HYDIN: variants seen among roughly 807,000 people sequenced by gnomAD.
The protein encoded by HYDIN is axonemal central pair apparatus protein HYDIN.
HYDIN carries 132 observed loss-of-function variants against 403.9 expected under a neutral mutation model. The ratio of observed to expected loss-of-function variants is 0.33; its 90% CI spans 0.28 to 0.38. The LOEUF (loss-of-function observed/expected upper bound fraction) is 0.38. HYDIN is among the 10% of genes least tolerant of loss of function. The probability of loss-of-function intolerance (pLI) is 1.00; values close to 1 mark genes in which losing one functional copy is unlikely to be tolerated. For synonymous variants in HYDIN, 1,202 were observed against 1,891.7 expected, an observed-to-expected ratio of 0.64 and a Z score of 9.46; for missense variants, 2,827 against 5,009.5, an observed-to-expected ratio of 0.56 and a Z score of 13.15.
intron 45 of HYDIN, among the ~76,000 whole-genome samples, chr16:70,932,753 A>C (rs1034632305): frequency 1.3e-5 from 2 of 152,248 alleles, no homozygotes; most frequent in African/African-American, 2.4e-5. Flanking sequence ...TCACCTCATT[A>C]ACAATTCAAG....
intron 10 of HYDIN, among the ~76,000 whole-genome samples, chr16:71,100,170 A>G (rs1216569434): frequency 6.6e-6 from 1 of 152,246 alleles, no homozygotes; most frequent in Non-Finnish European, 1.5e-5. Flanking sequence ...TAAATCAACA[A>G]AACATACTTG....
Position 70,837,871 on chromosome 16 carries a change from G to A in HYDIN, c.13061C>T (p.Thr4354Ile), listed in dbSNP as rs1165765362. The change falls in exon 77 of 86, where the codon ACC becomes ATC. Residue 4354 changes from threonine to isoleucine, a missense_variant. By Grantham distance (89) the Thr-to-Ile change is moderately conservative. Coordinates refer to ENST00000393567, the MANE Select transcript of HYDIN (RefSeq NM_001270974.2). ...ETPMSIDCLY[T>I]NTTHLEVNSR... ...GTTCACCTCGAGGTGAGTGGTGTTGGTGTACAGACAATCTATGCTGCAGAA... is the reference window on the plus strand; with the variant it reads ...GTTCACCTCGAGGTGAGTGGTGTTGATGTACAGACAATCTATGCTGCAGAA... 5 of 1,613,660 alleles carry A rather than the reference G, an allele frequency of 3.1e-6. No individual in the cohort carries two copies. In the African/African-American group the frequency reaches 6.7e-5, roughly 22 times the overall value.
chr16:71,097,289 TTTTG>T (rs2083300890), intron 10 of HYDIN, among the ~76,000 whole-genome samples: 1 of 137,422 alleles, frequency 7.3e-6, no homozygotes, highest in Non-Finnish European at 1.5e-5. Flanking sequence ...TACCACGGAC[TTTTG>T]TTTTCTTCTT....
intron 80 of HYDIN, among the ~76,000 whole-genome samples, chr16:70,830,791 C>A (rs1770441): frequency 6.6e-6 from 1 of 152,122 alleles, no homozygotes; most frequent in Non-Finnish European, 1.5e-5. Flanking sequence ...GGATTGACTG[C>A]GGGAGGAGCA....
intron 39 of HYDIN, 109 bp from the exon 40 acceptor site, chr16:70,955,657 T>C (rs1269073523): frequency 1.6e-5 from 9 of 568,848 alleles, no homozygotes; most frequent in Non-Finnish European, 2.8e-5. Context: ...CTCTGAGTGC[T>C]CTGCCTCCTT....
chr16:70,905,015 C>CGAAGCAAACCA (rs1567803592), intron 50 of HYDIN, among the ~76,000 whole-genome samples: 2 of 151,940 alleles, frequency 1.3e-5, no homozygotes, highest in African/African-American at 4.8e-5. Flanking sequence ...AGTAACTGAG[C>CGAAGCAAACCA]GAAGCAAACC....
chr16:70,836,602 G>T (rs1216535814), intron 77 of HYDIN, among the ~76,000 whole-genome samples: 4 of 152,338 alleles, frequency 2.6e-5, no homozygotes, highest in Middle Eastern at 6.8e-3. Flanking sequence ...GTCAGGCCAA[G>T]GCCAGGCTGA....
At position 70,802,120 on chromosome 16, in the gene HYDIN, T is replaced by C. The variant is rs1041591715; in HGVS notation, c.*5460A>G. On this transcript the variant is annotated 3_prime_UTR_variant, in exon 86 of 86. Coordinates refer to ENST00000393567, the MANE Select transcript of HYDIN (RefSeq NM_001270974.2). ...TTTTCTTTAATGAATGAAAAGTGCATATATAGGCCTTATAACAGTCTTGAA... is the reference window on the plus strand; with the variant it reads ...TTTTCTTTAATGAATGAAAAGTGCACATATAGGCCTTATAACAGTCTTGAA... 2.0e-5 allele frequency: 3 copies of C among 152,166 alleles called. No homozygotes were observed. Among genetic ancestry groups the C allele is most frequent in the African/African-American group, 7.2e-5 (3 of 41,434 alleles). 9.4% of individuals were successfully genotyped at this position (152,166 alleles called of 1,614,324 possible). A position where few individuals can be genotyped will look rare whatever the true frequency, so the allele number is the denominator to read the frequency against.
chr16:70,981,585 C>G lies in HYDIN; in HGVS notation c.4333-17G>C, dbSNP rs1175995638. 3.1e-6 allele frequency: 5 copies of G among 1,605,180 alleles called. No homozygotes were observed. In the African/African-American group the frequency reaches 6.7e-5, roughly 22 times the overall value. On this transcript the variant is annotated splice_polypyrimidine_tract_variant and intron_variant, in intron 28 of 85. Transcript: ENST00000393567. The stretch of plus-strand genomic sequence containing the variant: ...GATAAAGCCCTACGCGGTAGAAAGA[C>G]CAGAAAAGGGAAAACGAATGTGCTA...
At chr16:71,050,349 A>G (rs1359490408) in intron 18 of HYDIN, among the ~76,000 whole-genome samples, 1 of 142,048 alleles carries the variant, frequency 7.0e-6, no homozygotes, top group Non-Finnish European at 1.6e-5. Context: ...ATAGAATCAT[A>G]TGCTCAGCTA....
chr16:70,955,226 T>C (rs1597405534), intron 40 of HYDIN, 149 bp downstream of exon 40: 2 of 448,602 alleles, frequency 4.5e-6, no homozygotes, highest in Non-Finnish European at 7.9e-6. Context: ...AAGAGAATTC[T>C]CCTCTGGGCT....
chr16:70,826,701 C>T, intron 83 of HYDIN, among the ~76,000 whole-genome samples: 1 of 124,576 alleles, frequency 8.0e-6, no homozygotes, highest in East Asian at 2.3e-4. Context: ...TGCGTCTTGC[C>T]AGCATCTCTC....
At chr16:70,922,318 G>A (rs1161591261) in intron 45 of HYDIN, among the ~76,000 whole-genome samples, 1 of 152,240 alleles carries the variant, frequency 6.6e-6, no homozygotes, top group Non-Finnish European at 1.5e-5. Context: ...GCCCAGTGAG[G>A]GAAGGACTTG....
At chr16:71,070,904 C>T (rs2082447512) in intron 13 of HYDIN, among the ~76,000 whole-genome samples, 1 of 147,956 alleles carries the variant, frequency 6.8e-6, no homozygotes, top group Non-Finnish European at 1.5e-5. Flanking sequence ...ATTCATGTAT[C>T]CTTTGTGATA....
chr16:71,003,444 T>C (rs1322695053), intron 23 of HYDIN, among the ~76,000 whole-genome samples: 1 of 152,000 alleles, frequency 6.6e-6, no homozygotes, highest in Non-Finnish European at 1.5e-5. Context: ...TACATTTATT[T>C]CTAAGTACTT....
intron 7 of HYDIN, among the ~76,000 whole-genome samples, chr16:71,150,973 G>T (rs929917482): frequency 6.6e-6 from 1 of 152,150 alleles, no homozygotes; most frequent in Non-Finnish European, 1.5e-5. Flanking sequence ...TTAGGGACAT[G>T]AAAATTAAAA....
intron 23 of HYDIN, among the ~76,000 whole-genome samples, chr16:71,001,032 T>A (rs1262684380): frequency 1.4e-5 from 2 of 142,916 alleles, no homozygotes; most frequent in African/African-American, 2.6e-5. Flanking sequence ...GCAGGGGCAG[T>A]TTCAGTCAAG....
intron 15 of HYDIN, among the ~76,000 whole-genome samples, chr16:71,065,206 C>T (rs2082222534): frequency 6.6e-6 from 1 of 152,274 alleles, no homozygotes; most frequent in African/African-American, 2.4e-5. Context: ...GCATGTGGTC[C>T]TAACTAGCTG....
At chr16:70,945,988 G>C (rs914825626) in intron 41 of HYDIN, among the ~76,000 whole-genome samples, 2 of 152,140 alleles carry the variant, frequency 1.3e-5, no homozygotes, top group Admixed American at 1.3e-4. Flanking sequence ...TAGGCGGAGG[G>C]GGATGTGGGG....
Sources: gnomAD v4.1 joint callset for allele counts (sites outside exome capture counted in the v4.1 genomes callset) on GRCh38, gnomAD v4.1.1 for gene constraint, MANE v1.5 for transcripts, NCBI Gene and HGNC (gene_info 2026-07-23, HGNC 2026-07-21) for gene names.